RAP1GAP2: variants seen among roughly 807,000 people sequenced by gnomAD.
RAP1GAP2 encodes the protein rap1 GTPase-activating protein 2.
A neutral mutation model predicts 95.0 loss-of-function variants in RAP1GAP2; 27 were observed. The ratio of observed to expected loss-of-function variants is 0.28; its 90% CI spans 0.21 to 0.39. The LOEUF is 0.39. RAP1GAP2 is among the 10% of genes least tolerant of loss of function. RAP1GAP2 has a pLI of 1.00. For synonymous variants in RAP1GAP2, 373 were observed against 380.9 expected (o/e 0.98, Z 0.24); for missense variants, 771 against 970.0 (o/e 0.79, Z 2.72).
Position 2,963,115 on chromosome 17 carries a change from G to T in RAP1GAP2, c.247-315G>T. The T allele has an allele frequency of 1.8e-6, 1 of 550,472 alleles. No homozygotes were observed. Among genetic ancestry groups the T allele is most frequent in the Non-Finnish European group, 3.2e-6 (1 of 308,844 alleles). 34.1% of individuals were successfully genotyped at this position (550,472 alleles called of 1,614,324 possible). On this transcript the variant is annotated intron_variant, in intron 5 of 24. Transcript: ENST00000254695. The surrounding 1 kb of genome is among the most constrained non-coding windows in gnomAD (Gnocchi z 4.8). ...GGTCAGTCCGCCTGCCTGGAAAGGG[G>T]TGCTGGGGGAGACTAGGGGTCATTT... is the stretch of plus-strand genomic sequence containing the variant.
intron 3 of RAP1GAP2, among the ~76,000 whole-genome samples, chr17:2,931,773 C>A (rs904298299): frequency 6.6e-6 from 1 of 152,190 alleles, no homozygotes; most frequent in Non-Finnish European, 1.5e-5. Context: ...TCTTGCAGGT[C>A]AGCCTGAAAT....
Position 2,995,369 on chromosome 17 carries a change from A to G in RAP1GAP2, c.947A>G (p.Gln316Arg). 1 of 1,613,846 alleles carries G rather than the reference A, an allele frequency of 6.2e-7. No individual in the cohort carries two copies. The highest frequency in any genetic ancestry group is 8.5e-7 in the Non-Finnish European group (1 of 1,179,736). The change falls in exon 13 of 25, where the codon CAG becomes CGG. Residue 316 changes from glutamine to arginine, a missense_variant. Physicochemically the swap from Gln to Arg is conservative, Grantham distance 43. Transcript: ENST00000254695. ...GGAGGCCTGGACGTGACCCACGGACAGACAGGGGTGGAATCAGTGTACACA... is the reference window on the plus strand; with the variant it reads ...GGAGGCCTGGACGTGACCCACGGACGGACAGGGGTGGAATCAGTGTACACA... ...FRGGLDVTHG[Q>R]TGVESVYTTF...
chr17:2,860,873 T>C (rs1394796372), intron 2 of RAP1GAP2, among the ~76,000 whole-genome samples: 3 of 152,082 alleles, frequency 2.0e-5, no homozygotes, highest in Non-Finnish European at 2.9e-5. Context: ...CCCAAACTGT[T>C]GGAATTACAG....
Position 2,902,508 on chromosome 17 carries a change from C to T in RAP1GAP2, c.81-2776C>T, listed in dbSNP as rs186399009. Among the ~76,000 whole-genome samples, 327 of 152,304 alleles carry T rather than the reference C, an allele frequency of 2.1e-3. 2 individuals are homozygous for T. Among genetic ancestry groups the T allele is most frequent in the Non-Finnish European group, 3.9e-3 (263 of 68,024 alleles). On this transcript the variant is annotated intron_variant, in intron 2 of 24. Transcript: ENST00000254695. This position sits in a 1 kb window ranked among gnomAD's most constrained non-coding sequence, Gnocchi z 4.1. Reference sequence around the variant, plus strand: ...TGGTGGGATTACAGGCATGAGCCACCGCTCTGGGCCCAGTTCAGATGTTTT... The same window carrying T: ...TGGTGGGATTACAGGCATGAGCCACTGCTCTGGGCCCAGTTCAGATGTTTT...
intron 2 of RAP1GAP2, among the ~76,000 whole-genome samples, chr17:2,834,589 G>C (rs2071048914): frequency 6.6e-6 from 1 of 152,148 alleles, no homozygotes; most frequent in South Asian, 2.1e-4. Context: ...TCGAGCCCAG[G>C]AGTTTAAGAC....
intron 2 of RAP1GAP2, 116 bp downstream of exon 2, chr17:2,800,666 C>G: frequency 9.0e-7 from 1 of 1,107,224 alleles, no homozygotes; most frequent in Non-Finnish European, 1.3e-6. Flanking sequence ...TTGTCAGATT[C>G]CAGTCCGAGT....
At chr17:2,845,783 C>T (rs766906189) in intron 2 of RAP1GAP2, among the ~76,000 whole-genome samples, 3 of 151,926 alleles carry the variant, frequency 2.0e-5, no homozygotes, top group Non-Finnish European at 2.9e-5. Context: ...ATCGCTTGAA[C>T]CCTGTAGGCG....
In RAP1GAP2 at chr17:2,769,333, A is replaced by G. The variant is rs1342748396; in HGVS notation, c.51-996A>G. Among the ~76,000 whole-genome samples, 4 of 145,458 alleles carry G rather than the reference A, an allele frequency of 2.7e-5. No individual in the cohort carries two copies. The East Asian group carries it at 8.4e-4, about 30-fold the overall frequency. ...CACTTTGGGAGGCCGAGGCGGGCGG[A>G]TCACGAGGTCAGGAGATCGAGACCA... On this transcript the variant is annotated intron_variant, in intron 1 of 25. Coordinates refer to the RAP1GAP2 transcript ENST00000637138.
intron 8 of RAP1GAP2, among the ~76,000 whole-genome samples, chr17:2,968,573 G>T (rs2151503186): frequency 6.6e-6 from 1 of 152,226 alleles, no homozygotes; most frequent in South Asian, 2.1e-4. Context: ...TAGATATAAA[G>T]TTACTAGTAG....
At chr17:2,940,938 G>A (rs1053000247) in intron 3 of RAP1GAP2, among the ~76,000 whole-genome samples, 19 of 152,164 alleles carry the variant, frequency 1.2e-4, no homozygotes, top group African/African-American at 4.3e-4. Context: ...GGACCAAGGA[G>A]TTCCCCAATC....
intron 2 of RAP1GAP2, among the ~76,000 whole-genome samples, chr17:2,805,750 G>A (rs893481715): frequency 6.0e-5 from 6 of 99,480 alleles, no homozygotes; most frequent in Admixed American, 1.0e-4. Context: ...AAAGAGATGC[G>A]TGTATGTGTG....
chr17:2,960,863 G>A (rs569710068), intron 4 of RAP1GAP2, among the ~76,000 whole-genome samples: 83 of 152,318 alleles, frequency 5.4e-4, no homozygotes, highest in African/African-American at 1.8e-3. Flanking sequence ...AGATAGTCTT[G>A]GAAACACCAC....
chr17:2,841,082 G>A (rs1192467817), intron 2 of RAP1GAP2, among the ~76,000 whole-genome samples: 36 of 151,864 alleles, frequency 2.4e-4, no homozygotes, highest in Admixed American at 2.4e-3. Context: ...TCGAACCTGG[G>A]AGGCAGAGGT....
intron 2 of RAP1GAP2, among the ~76,000 whole-genome samples, chr17:2,852,304 C>G (rs2071887949): frequency 1.3e-5 from 2 of 151,362 alleles, no homozygotes; most frequent in South Asian, 2.1e-4. Flanking sequence ...CTATCTATAT[C>G]TCTGATCCCC....
In RAP1GAP2 at chr17:2,902,350, C is replaced by T. The variant is rs1226378791; in HGVS notation, c.81-2934C>T. Reference sequence around the variant, plus strand: ...TCTTGCCTCAGCCTCCCAAGTAGCTCGGATGACAGGCACACGCCACCATGC... The same window carrying T: ...TCTTGCCTCAGCCTCCCAAGTAGCTTGGATGACAGGCACACGCCACCATGC... On this transcript the variant is annotated intron_variant, in intron 2 of 24. Transcript: ENST00000254695. This position sits in a 1 kb window ranked among gnomAD's most constrained non-coding sequence, Gnocchi z 4.1. Among the ~76,000 whole-genome samples, 3 of 152,158 alleles carry T rather than the reference C, an allele frequency of 2.0e-5. No individual in the cohort carries two copies. Among genetic ancestry groups the T allele is most frequent in the Admixed American group, 6.5e-5 (1 of 15,288 alleles).
At chr17:2,916,113 C>G (rs555021795) in intron 3 of RAP1GAP2, among the ~76,000 whole-genome samples, 4 of 152,186 alleles carry the variant, frequency 2.6e-5, no homozygotes, top group African/African-American at 9.6e-5. Flanking sequence ...CTCTGTTGTT[C>G]CAGTACTGTA....
At chr17:2,761,288 TC>T (rs144313115) in intron 1 of RAP1GAP2, among the ~76,000 whole-genome samples, 1 of 146,354 alleles carries the variant, frequency 6.8e-6, no homozygotes, top group African/African-American at 2.5e-5. Context: ...TGGTCTTTTT[TC>T]TTTTTTTTTT....
At position 3,008,046 on chromosome 17, in the gene RAP1GAP2, C is replaced by T. The variant is rs200538219; in HGVS notation, c.1395C>T (p.His465=). The T allele has an allele frequency of 2.1e-4, 331 of 1,613,926 alleles. 1 individual carries two copies. In the East Asian group the frequency reaches 3.6e-3, roughly 18 times the overall value. ...RTRAALLDNL[H]DELHAHTQAM... ...GGGCTGCCCTCCTGGACAACCTTCA[C>T]GATGAGCTCCACGCCCACACACAGG... The change falls in exon 17 of 25, where the codon CAC becomes CAT. Residue 465 remains histidine, a synonymous_variant. Coordinates refer to ENST00000254695, the MANE Select transcript of RAP1GAP2 (RefSeq NM_015085.5). The surrounding 1 kb of genome is among the most constrained non-coding windows in gnomAD (Gnocchi z 4.2).
At chr17:2,928,521 C>T (rs964778924) in intron 3 of RAP1GAP2, among the ~76,000 whole-genome samples, 2 of 152,104 alleles carry the variant, frequency 1.3e-5, no homozygotes, top group Non-Finnish European at 2.9e-5. Context: ...CTCAGATGAG[C>T]AGCACGTAGA....
Sources: allele counts gnomAD v4.1 joint callset (sites outside exome capture counted in the v4.1 genomes callset), GRCh38; gene constraint gnomAD v4.1.1; non-coding constraint Gnocchi (gnomAD v3.1); transcripts MANE v1.5; gene names NCBI Gene and HGNC (gene_info 2026-07-23, HGNC 2026-07-21).